Variants in FSIP1 observed in about 807,000 individuals in gnomAD.
The protein encoded by FSIP1 is fibrous sheath interacting protein 1.
Under a neutral mutation model 60.9 loss-of-function variants are expected in FSIP1, and 65 were observed. The observed-to-expected ratio is 1.07, with a 90% confidence interval of 0.87 to 1.31. FSIP1 has a LOEUF of 1.31. Ranked by LOEUF, FSIP1 falls within the 40% of genes most tolerant of loss-of-function variation. The probability of loss-of-function intolerance (pLI) is 0.00; values close to 1 mark genes in which losing one functional copy is unlikely to be tolerated. For synonymous variants in FSIP1, 209 were observed against 221.2 expected (o/e 0.94, Z 0.49); for missense variants, 675 against 665.5 (o/e 1.01, Z -0.16).
chr15:39,621,568 C>A (rs1291561260), intron 10 of FSIP1, among the ~76,000 whole-genome samples: 2 of 152,168 alleles, frequency 1.3e-5, no homozygotes. Flanking sequence ...ACATTAAATT[C>A]TAACTCTAAA....
chr15:39,763,133 T>C (rs1897563301), intron 5 of FSIP1, among the ~76,000 whole-genome samples: 3 of 152,292 alleles, frequency 2.0e-5, no homozygotes, highest in Admixed American at 1.3e-4. Context: ...TTTTCTTATA[T>C]AGATTATACA....
At chr15:39,664,407 C>T (rs1315335542) in intron 10 of FSIP1, among the ~76,000 whole-genome samples, 1 of 152,026 alleles carries the variant, frequency 6.6e-6, no homozygotes, top group Non-Finnish European at 1.5e-5. Context: ...GTCTAGAATC[C>T]ATCCATTCAT....
chr15:39,706,172 T>A (rs1339615808), intron 10 of FSIP1, among the ~76,000 whole-genome samples: 1 of 152,172 alleles, frequency 6.6e-6, no homozygotes, highest in Non-Finnish European at 1.5e-5. Context: ...GGTTGTTTGG[T>A]TTCCTCGGGC....
chr15:39,757,601 A>C (rs181127558), intron 5 of FSIP1, among the ~76,000 whole-genome samples: 42 of 152,286 alleles, frequency 2.8e-4, no homozygotes, highest in Admixed American at 1.0e-3. Context: ...ATTTAAAAAA[A>C]ACAGATATGT....
chr15:39,700,140 T>C (rs2140522057), intron 10 of FSIP1, among the ~76,000 whole-genome samples: 1 of 152,346 alleles, frequency 6.6e-6, no homozygotes, highest in African/African-American at 2.4e-5. Flanking sequence ...TACTGATCAA[T>C]TCTGTTCCCT....
intron 10 of FSIP1, among the ~76,000 whole-genome samples, chr15:39,680,027 T>TA (rs1371371561): frequency 6.6e-6 from 1 of 152,170 alleles, no homozygotes; most frequent in East Asian, 1.9e-4. Context: ...CCACAGTACT[T>TA]AACTAATTTC....
intron 11 of FSIP1, among the ~76,000 whole-genome samples, chr15:39,601,802 T>C (rs1485673799): frequency 2.0e-5 from 3 of 152,304 alleles, no homozygotes; most frequent in African/African-American, 7.2e-5. Context: ...CAAAAGGCCA[T>C]ATGCCGTATG....
At chr15:39,653,137 G>A (rs1892940572) in intron 10 of FSIP1, among the ~76,000 whole-genome samples, 2 of 149,896 alleles carry the variant, frequency 1.3e-5, no homozygotes, top group Admixed American at 6.7e-5. Context: ...GACCACGCCA[G>A]TGCACCGTAG....
At position 39,765,673 on chromosome 15, in the gene FSIP1, T is replaced by A. The variant is rs1566919114; in HGVS notation, c.384A>T (p.Ile128=). The stretch of plus-strand genomic sequence containing the variant: ...TTTCTCTGCGTTGTTTCTTTGCCAA[T>A]ATTTTATCAAGTTTTTTCATCTTCT... ...AIQKMKKLDK[I]LAKKQRREKE... Residue 128 remains isoleucine (I), a synonymous_variant, in exon 4 of 12, where the codon ATA becomes ATT. Coordinates refer to ENST00000350221, the MANE Select transcript of FSIP1 (RefSeq NM_152597.5). The A allele has an allele frequency of 1.3e-6, 2 of 1,597,020 alleles. No homozygotes were observed. The highest frequency in any genetic ancestry group is 1.7e-6 in the Non-Finnish European group (2 of 1,167,672).
intron 10 of FSIP1, among the ~76,000 whole-genome samples, chr15:39,673,543 C>T (rs991981580): frequency 2.0e-5 from 3 of 151,976 alleles, no homozygotes; most frequent in Non-Finnish European, 4.4e-5. Flanking sequence ...CTCAGACTCC[C>T]GTCCTCAAGC....
chr15:39,691,945 C>T (rs879569179), intron 10 of FSIP1, among the ~76,000 whole-genome samples: 4 of 151,756 alleles, frequency 2.6e-5, no homozygotes, highest in Non-Finnish European at 5.9e-5. Flanking sequence ...AATTACTCAC[C>T]AAAAAGAAAA....
At chr15:39,708,087 C>T (rs1294927574) in intron 10 of FSIP1, among the ~76,000 whole-genome samples, 2 of 152,218 alleles carry the variant, frequency 1.3e-5, no homozygotes, top group Non-Finnish European at 2.9e-5. Context: ...ATTATCTCTT[C>T]ATTCTAACAT....
intron 10 of FSIP1, among the ~76,000 whole-genome samples, chr15:39,666,394 G>T (rs921472970): frequency 6.6e-6 from 1 of 152,138 alleles, no homozygotes; most frequent in African/African-American, 2.4e-5. Flanking sequence ...ATTGTTATTT[G>T]CATGAATGAT....
At chr15:39,728,892 C>G (rs1369822581) in intron 8 of FSIP1, among the ~76,000 whole-genome samples, 3 of 152,128 alleles carry the variant, frequency 2.0e-5, no homozygotes, top group African/African-American at 7.2e-5. Context: ...CTATAAGGAA[C>G]TTAAACAAAT....
chr15:39,722,160 T>TA (rs1415410233), intron 9 of FSIP1, among the ~76,000 whole-genome samples: 3 of 152,056 alleles, frequency 2.0e-5, no homozygotes, highest in African/African-American at 7.2e-5. Flanking sequence ...GTGTGAACCC[T>TA]ATCATGAACT....
At chr15:39,614,682 T>C (rs1337068697) in intron 11 of FSIP1, among the ~76,000 whole-genome samples, 1 of 150,590 alleles carries the variant, frequency 6.6e-6, no homozygotes, top group East Asian at 1.9e-4. Flanking sequence ...ACCATATTCA[T>C]GGACTGAAAG....
In FSIP1 at chr15:39,723,514, C is replaced by T. The variant is rs541980473; in HGVS notation, c.1050+3075G>A. On this transcript the variant is annotated intron_variant, in intron 9 of 11. Transcript: ENST00000350221. ...AAAGTGCTGGGATTACAGGCGTGAG[C>T]CACCATGCCCAGCCTGAAGTGAGAC... Among the ~76,000 whole-genome samples, 44 of 152,320 alleles carry T rather than the reference C, an allele frequency of 2.9e-4. 1 individual carries two copies. Among genetic ancestry groups the T allele is most frequent in the African/African-American group, 1.0e-3 (43 of 41,578 alleles).
chr15:39,657,306 T>C (rs1566872473), intron 10 of FSIP1, among the ~76,000 whole-genome samples: 2 of 152,092 alleles, frequency 1.3e-5, no homozygotes, highest in Admixed American at 1.3e-4. Flanking sequence ...ATGTCTTCAA[T>C]TTGGAAAGAA....
chr15:39,635,782 T>C (rs1892110185), intron 10 of FSIP1, among the ~76,000 whole-genome samples: 1 of 152,190 alleles, frequency 6.6e-6, no homozygotes, highest in Non-Finnish European at 1.5e-5. Context: ...GAAGCCATGC[T>C]GCCTACCCAC....
Sources: allele counts gnomAD v4.1 joint callset (sites outside exome capture counted in the v4.1 genomes callset), GRCh38; gene constraint gnomAD v4.1.1; transcripts MANE v1.5; gene names NCBI Gene and HGNC (gene_info 2026-07-23, HGNC 2026-07-21).